Variants in CD33 observed in about 807,000 individuals in gnomAD.
CD33 encodes myeloid cell surface antigen CD33.
CD33 carries 25 observed loss-of-function variants against 31.4 expected under a neutral mutation model. The observed-to-expected ratio is 0.80, with a 90% CI of 0.58 to 1.11. CD33 has a LOEUF of 1.11. CD33 is among the 50% of genes most tolerant of loss of function. CD33 has a pLI of 0.00. For synonymous variants in CD33, 176 were observed against 180.6 expected (o/e 0.97, Z 0.20); for missense variants, 407 against 448.1 (o/e 0.91, Z 0.83).
the CD33 span, chr19:51,212,077 G>A: frequency 1.4e-6 from 1 of 729,446 alleles, no homozygotes; most frequent in Non-Finnish European, 2.3e-6. Flanking sequence ...TCCTGTGAGT[G>A]CTGGGCCAGG....
chr19:51,225,831 C>T lies in CD33; in HGVS notation c.447C>T (p.Ile149=). 1 of 1,613,958 alleles carries T rather than the reference C, an allele frequency of 6.2e-7. No homozygotes were observed. The highest frequency in any genetic ancestry group is 8.5e-7 in the Non-Finnish European group (1 of 1,179,936). Residue 149 remains isoleucine (I), a synonymous_variant, in exon 3 of 7, where the codon ATC becomes ATT. Transcript: ENST00000262262. Reference sequence around the variant, plus strand: ...TGACCCACAGGCCCAAAATCCTCATCCCTGGCACTCTAGAACCCGGCCACT... The same window carrying T: ...TGACCCACAGGCCCAAAATCCTCATTCCTGGCACTCTAGAACCCGGCCACT... ...TDLTHRPKIL[I]PGTLEPGHSK...
At chr19:51,230,045 A>G (rs1981298433) in intron 4 of CD33, among the ~76,000 whole-genome samples, 1 of 152,018 alleles carries the variant, frequency 6.6e-6, no homozygotes, top group Non-Finnish European at 1.5e-5. Context: ...GCTGTGTCCC[A>G]TAGGTTTTGG....
At chr19:51,228,519 T>C (rs901387443) in intron 4 of CD33, among the ~76,000 whole-genome samples, 7 of 152,256 alleles carry the variant, frequency 4.6e-5, no homozygotes, top group Admixed American at 2.6e-4. Context: ...CTCTTATAGC[T>C]ATTGTAAATG....
intron 4 of CD33, among the ~76,000 whole-genome samples, chr19:51,232,869 A>G (rs1391541979): frequency 6.6e-6 from 1 of 152,214 alleles, no homozygotes; most frequent in Non-Finnish European, 1.5e-5. Context: ...AGGTGCCAAC[A>G]TGGCTGTTTT....
At chr19:51,231,546 T>C (rs1165296837) in intron 4 of CD33, among the ~76,000 whole-genome samples, 1 of 151,968 alleles carries the variant, frequency 6.6e-6, no homozygotes, top group Non-Finnish European at 1.5e-5. Context: ...CTGATTGTTT[T>C]ATATATTCCT....
At chr19:51,229,960 T>C (rs1328664403) in intron 4 of CD33, among the ~76,000 whole-genome samples, 1 of 152,138 alleles carries the variant, frequency 6.6e-6, no homozygotes, top group African/African-American at 2.4e-5. Flanking sequence ...CACAGTTAAA[T>C]GGTTTACTTG....
chr19:51,216,807 A>T, the CD33 span, among the ~76,000 whole-genome samples: 1 of 152,196 alleles, frequency 6.6e-6, no homozygotes, highest in African/African-American at 2.4e-5. Flanking sequence ...TATACTGGGG[A>T]ACCATCTCTG....
chr19:51,214,845 C>T, the CD33 span, among the ~76,000 whole-genome samples: 1 of 152,186 alleles, frequency 6.6e-6, no homozygotes, highest in African/African-American at 2.4e-5. Context: ...TAAAGTCCAA[C>T]TTACATATCA....
upstream of CD33, among the ~76,000 whole-genome samples, chr19:51,221,146 C>T (rs1980670809): frequency 6.6e-6 from 1 of 152,158 alleles, no homozygotes; most frequent in Non-Finnish European, 1.5e-5. Context: ...GTACTCAAGG[C>T]CCTCACCAGA....
In CD33 at chr19:51,225,681, G is replaced by A. The variant is rs1444331177; in HGVS notation, c.418+83G>A. 3.3e-6 allele frequency: 5 copies of A among 1,530,262 alleles called. No homozygotes were observed. In the Admixed American group the frequency reaches 6.1e-5, roughly 19 times the overall value. The allele number at this position is 1,530,262 out of a possible 1,614,324, so 94.8% of individuals were successfully genotyped here. On this transcript the variant is annotated intron_variant, in intron 2 of 6. Coordinates refer to ENST00000262262, the MANE Select transcript of CD33 (RefSeq NM_001772.4). ...GGCTGGGATGGGACCCTGGTACTGGGAGGGGTTTAGGGGTAAAGCCTGTCG... is the reference window on the plus strand; with the variant it reads ...GGCTGGGATGGGACCCTGGTACTGGAAGGGGTTTAGGGGTAAAGCCTGTCG...
In CD33 at chr19:51,239,649, G is replaced by A; in HGVS notation, c.1056G>A (p.Lys352=). ...ACTTTCATGGGATGAATCCTTCCAA[G>A]GACACCTCCACCGAATACTCAGAGG... ...SLNFHGMNPS[K]DTSTEYSEVR... is the part of the protein sequence containing the mutation. The change falls in exon 7 of 7, where the codon AAG becomes AAA. Residue 352 remains lysine (K), a synonymous_variant. Transcript: ENST00000262262. 6.2e-7 allele frequency: 1 copy of A among 1,613,410 alleles called. No individual in the cohort carries two copies. The highest frequency in any genetic ancestry group is 8.5e-7 in the Non-Finnish European group (1 of 1,179,800).
intron 4 of CD33, among the ~76,000 whole-genome samples, chr19:51,233,132 C>G (rs373146822): frequency 6.6e-6 from 1 of 152,152 alleles, no homozygotes; most frequent in East Asian, 1.9e-4. Flanking sequence ...GGGAGAGTGG[C>G]CTTTGGGCAG....
intron 6 of CD33, chr19:51,238,962 C>T (rs1268961291): frequency 1.3e-5 from 2 of 152,438 alleles, no homozygotes; most frequent in Admixed American, 1.3e-4. Flanking sequence ...ATGAGCTCCA[C>T]AAGGAAAAGC....
the CD33 span, among the ~76,000 whole-genome samples, chr19:51,214,056 C>T: frequency 6.6e-6 from 1 of 150,712 alleles, no homozygotes; most frequent in African/African-American, 2.4e-5. Flanking sequence ...AACAGGGTTT[C>T]ACCATGTTGT....
chr19:51,239,032 A>G (rs1321061880), intron 6 of CD33: 2 of 152,516 alleles, frequency 1.3e-5, no homozygotes, highest in Admixed American at 1.3e-4. Context: ...CACTGTCACA[A>G]TTTGCAATTA....
Position 51,225,270 on chromosome 19 carries a change from G to T in CD33, c.90G>T (p.Thr30=). The T allele has an allele frequency of 6.2e-7, 1 of 1,614,014 alleles. No individual in the cohort carries two copies. ...GGCTGCAAGTGCAGGAGTCAGTGACGGTACAGGAGGGTTTGTGCGTCCTCG... is the reference window on the plus strand; with the variant it reads ...GGCTGCAAGTGCAGGAGTCAGTGACTGTACAGGAGGGTTTGTGCGTCCTCG... The part of the protein sequence containing the change: ...NFWLQVQESV[T]VQEGLCVLVP... Residue 30 remains threonine, a synonymous_variant, in exon 2 of 7, where the codon ACG becomes ACT. Transcript: ENST00000262262.
chr19:51,233,773 G>C (rs912689284), intron 4 of CD33, among the ~76,000 whole-genome samples: 1 of 152,212 alleles, frequency 6.6e-6, no homozygotes, highest in Non-Finnish European at 1.5e-5. Flanking sequence ...CCTACAAGGG[G>C]AAATCCTTCC....
At chr19:51,223,091 G>A (rs929249689), upstream of CD33, among the ~76,000 whole-genome samples, 3 of 152,022 alleles carry the variant, frequency 2.0e-5, no homozygotes, top group Non-Finnish European at 4.4e-5. Flanking sequence ...CTGGTAGTAT[G>A]AGCCTGTGAT....
chr19:51,237,476 T>C (rs1353561046), intron 6 of CD33: 1 of 152,270 alleles, frequency 6.6e-6, no homozygotes, highest in Non-Finnish European at 1.5e-5. Context: ...TGGACAGTCC[T>C]GGGGGCCAAA....
Sources: gnomAD v4.1 joint callset for allele counts (sites outside exome capture counted in the v4.1 genomes callset) on GRCh38, gnomAD v4.1.1 for gene constraint, MANE v1.5 for transcripts, NCBI Gene and HGNC (gene_info 2026-07-23, HGNC 2026-07-21) for gene names.